The following KCNJ6 variants were observed in gnomAD, a reference collection of about 807,000 sequenced individuals.
KCNJ6 encodes the protein G protein-activated inward rectifier potassium channel 2.
Under a neutral mutation model 34.2 loss-of-function variants are expected in KCNJ6, and 9 were observed. The ratio of observed to expected loss-of-function variants is 0.26; its 90% CI spans 0.16 to 0.46. The LOEUF (loss-of-function observed/expected upper bound fraction) is 0.46, where lower values mean the gene tolerates loss of function less well. Among genes scored for constraint, KCNJ6 ranks in the 20% least tolerant of loss-of-function variants. KCNJ6 has a pLI of 1.00. For missense variants in KCNJ6, 236 were observed against 531.3 expected, an observed-to-expected ratio of 0.44 and a Z score of 5.46; for synonymous variants, 196 against 207.1, an observed-to-expected ratio of 0.95 and a Z score of 0.46.
chr21:37,652,788 C>A (rs921809994), intron 3 of KCNJ6, among the ~76,000 whole-genome samples: 8 of 152,084 alleles, frequency 5.3e-5, no homozygotes, highest in Non-Finnish European at 1.0e-4. Context: ...GGAAGAGGGG[C>A]ATTTTCTCTT....
intron 2 of KCNJ6, among the ~76,000 whole-genome samples, chr21:37,804,265 A>T (rs978809907): frequency 3.3e-5 from 5 of 152,134 alleles, no homozygotes; most frequent in African/African-American, 1.2e-4. Context: ...TTCTGTGGAA[A>T]ACAGGTTGGC....
At chr21:37,839,464 T>C (rs1394351361) in intron 2 of KCNJ6, among the ~76,000 whole-genome samples, 1 of 152,198 alleles carries the variant, frequency 6.6e-6, no homozygotes, top group African/African-American at 2.4e-5. Context: ...GGGTGGATAT[T>C]TTGGAATAAA....
chr21:37,808,449 C>A (rs897125517), intron 2 of KCNJ6, among the ~76,000 whole-genome samples: 9 of 152,214 alleles, frequency 5.9e-5, no homozygotes, highest in African/African-American at 1.9e-4. Context: ...CATCCTACCA[C>A]CTCCTCTCAG....
intron 1 of KCNJ6, among the ~76,000 whole-genome samples, chr21:37,844,064 A>AT (rs3061052): frequency 0.24 from 34,187 of 143,432 alleles, 5,125 homozygotes; most frequent in East Asian, 0.52. Context: ...GATATTTTGC[A>AT]TTTTTTTTTT....
intron 2 of KCNJ6, among the ~76,000 whole-genome samples, chr21:37,774,502 CCCCCTA>C (rs1161756660): frequency 2.0e-5 from 3 of 150,658 alleles, no homozygotes; most frequent in African/African-American, 7.3e-5. Context: ...CTCCCCCCCT[CCCCCTA>C]CCCCACAACA....
chr21:37,885,797 C>T (rs1197426784), intron 1 of KCNJ6, among the ~76,000 whole-genome samples: 1 of 152,212 alleles, frequency 6.6e-6, no homozygotes, highest in Non-Finnish European at 1.5e-5. Flanking sequence ...CCCAGCCAAG[C>T]CTGCACTTCT....
intron 3 of KCNJ6, among the ~76,000 whole-genome samples, chr21:37,660,843 G>A (rs985008757): frequency 6.6e-6 from 1 of 152,204 alleles, no homozygotes; most frequent in African/African-American, 2.4e-5. Context: ...GTCTCCCATC[G>A]GTGTCCCCGT....
rs181010728 is a variant in KCNJ6 at position 37,653,719 on chromosome 21, G to C, written c.947-28235C>G. Among the ~76,000 whole-genome samples, 37 of 152,232 alleles carry C rather than the reference G, an allele frequency of 2.4e-4. No homozygotes were observed. The Middle Eastern group carries it at 0.014, about 56-fold the overall frequency. On this transcript the variant is annotated intron_variant, in intron 3 of 3. Coordinates refer to ENST00000609713, the MANE Select transcript of KCNJ6 (RefSeq NM_002240.5). ...TCAACCCTGTTGTAATTCTAGTTTG[G>C]TATTCTGAGCAAAGTATTAGTTTAA...
At position 37,829,194 on chromosome 21, in the gene KCNJ6, G is replaced by T. The variant is rs186738901; in HGVS notation, c.25+11464C>A. Among the ~76,000 whole-genome samples the T allele has an allele frequency of 2.3e-3, 352 of 151,860 alleles. 1 individual carries two copies. The highest frequency in any genetic ancestry group is 7.8e-3 in the African/African-American group (324 of 41,350). ...GGTGGAGGTGGTGGGAGGGAGGAGC[G>T]GGCTCTTGGAGCCAGGTGGCAGATT... On this transcript the variant is annotated intron_variant, in intron 2 of 3. Coordinates refer to ENST00000609713, the MANE Select transcript of KCNJ6 (RefSeq NM_002240.5).
At chr21:37,862,780 T>C (rs1244444101) in intron 1 of KCNJ6, among the ~76,000 whole-genome samples, 2 of 152,220 alleles carry the variant, frequency 1.3e-5, no homozygotes, top group East Asian at 3.8e-4. Context: ...AGCTGCTAAG[T>C]CGGTCCCCTC....
At chr21:37,871,052 C>CT (rs1021621678) in intron 1 of KCNJ6, among the ~76,000 whole-genome samples, 12 of 152,024 alleles carry the variant, frequency 7.9e-5, no homozygotes, top group African/African-American at 7.2e-5. Context: ...CATTCATTAC[C>CT]TTTTTTTTTC....
intron 3 of KCNJ6, among the ~76,000 whole-genome samples, chr21:37,662,247 T>G (rs1284776404): frequency 6.6e-6 from 1 of 152,148 alleles, no homozygotes; most frequent in Non-Finnish European, 1.5e-5. Flanking sequence ...CTTGATGCTC[T>G]CCCTCCCCAT....
chr21:37,777,871 A>G (rs1317177683), intron 2 of KCNJ6, among the ~76,000 whole-genome samples: 1 of 152,194 alleles, frequency 6.6e-6, no homozygotes, highest in Admixed American at 6.5e-5. Context: ...CATGGAAGAA[A>G]GGATAGCAGG....
At chr21:37,826,337 G>A (rs2123559152) in intron 2 of KCNJ6, among the ~76,000 whole-genome samples, 1 of 152,324 alleles carries the variant, frequency 6.6e-6, no homozygotes, top group South Asian at 2.1e-4. Flanking sequence ...TAATGTTGGG[G>A]TTCCTCCAGG....
chr21:37,651,260 GA>G (rs941722615), intron 3 of KCNJ6, among the ~76,000 whole-genome samples: 2 of 152,188 alleles, frequency 1.3e-5, no homozygotes, highest in African/African-American at 4.8e-5. Context: ...AGTCATACAT[GA>G]GATAATGATA....
intron 2 of KCNJ6, among the ~76,000 whole-genome samples, chr21:37,737,935 T>C (rs1166222912): frequency 1.3e-5 from 2 of 152,218 alleles, no homozygotes; most frequent in South Asian, 4.1e-4. Flanking sequence ...GTAGACAGCA[T>C]GAAAACTCTG....
chr21:37,711,051 C>A (rs1401217560), intron 3 of KCNJ6, among the ~76,000 whole-genome samples: 6 of 152,210 alleles, frequency 3.9e-5, no homozygotes, highest in Non-Finnish European at 8.8e-5. Context: ...GGCTGTTCTG[C>A]GTGGGCATGG....
intron 3 of KCNJ6, among the ~76,000 whole-genome samples, chr21:37,684,399 C>G (rs144956898): frequency 7.2e-5 from 11 of 151,926 alleles, no homozygotes; most frequent in Non-Finnish European, 1.2e-4. Flanking sequence ...GTCTGCTCTT[C>G]TCCAGTAGGA....
intron 2 of KCNJ6, among the ~76,000 whole-genome samples, chr21:37,803,914 T>C (rs985711944): frequency 6.6e-6 from 1 of 152,148 alleles, no homozygotes; most frequent in African/African-American, 2.4e-5. Flanking sequence ...GGGCGTCCTT[T>C]TGGGGAAAGC....
Sources: gnomAD v4.1 joint callset for allele counts (sites outside exome capture counted in the v4.1 genomes callset) on GRCh38, gnomAD v4.1.1 for gene constraint, MANE v1.5 for transcripts, NCBI Gene and HGNC (gene_info 2026-07-23, HGNC 2026-07-21) for gene names.